CCDC158: variants seen among roughly 807,000 people sequenced by gnomAD.
The protein encoded by CCDC158 is coiled-coil domain containing 158.
Under a neutral mutation model 138.6 loss-of-function variants are expected in CCDC158, and 116 were observed. That is an observed-to-expected ratio of 0.84 (90% CI 0.72 to 0.98). The LOEUF (loss-of-function observed/expected upper bound fraction) is 0.98, where lower values mean the gene tolerates loss of function less well. Among genes scored for constraint, CCDC158 ranks in the 50% least tolerant of loss-of-function variants. The pLI is 0.00. For synonymous variants in CCDC158, 436 were observed against 442.4 expected (o/e 0.99, Z 0.18); for missense variants, 1,265 against 1,306.1 (o/e 0.97, Z 0.48).
At chr4:76,345,233 T>A (rs937924984) in intron 18 of CCDC158, 5 of 932,666 alleles carry the variant, frequency 5.4e-6, no homozygotes, top group Non-Finnish European at 8.9e-6. Flanking sequence ...TTTCATCAGA[T>A]GAAGATCTGA....
At chr4:76,313,891 G>C (rs1350480588) in intron 24 of CCDC158, among the ~76,000 whole-genome samples, 1 of 152,096 alleles carries the variant, frequency 6.6e-6, no homozygotes, top group Admixed American at 6.5e-5. Flanking sequence ...CTTATGTTTT[G>C]TTGTAACTGC....
At chr4:76,419,434 A>G (rs1729943274) in intron 1 of CCDC158, among the ~76,000 whole-genome samples, 1 of 152,248 alleles carries the variant, frequency 6.6e-6, no homozygotes, top group South Asian at 2.1e-4. Context: ...GCTTAAAACA[A>G]TAGCAACTTA....
chr4:76,318,522 A>G (rs2110064989), intron 24 of CCDC158, among the ~76,000 whole-genome samples: 1 of 152,320 alleles, frequency 6.6e-6, no homozygotes, highest in African/African-American at 2.4e-5. Flanking sequence ...AGTAATTAAA[A>G]AAATGCCAAC....
At chr4:76,387,287 C>G (rs1303882749) in intron 4 of CCDC158, among the ~76,000 whole-genome samples, 1 of 152,112 alleles carries the variant, frequency 6.6e-6, no homozygotes, top group Non-Finnish European at 1.5e-5. Flanking sequence ...CCATTCCAAG[C>G]CCTACCTCCC....
At chr4:76,396,155 C>A in intron 4 of CCDC158, 114 bp downstream of exon 4, 1 of 632,986 alleles carries the variant, frequency 1.6e-6, no homozygotes, top group South Asian at 2.8e-5. Context: ...AACCAATAAA[C>A]CCATTTGTTA....
At chr4:76,418,887 A>G (rs991819739) in intron 1 of CCDC158, among the ~76,000 whole-genome samples, 3 of 152,160 alleles carry the variant, frequency 2.0e-5, no homozygotes, top group Non-Finnish European at 4.4e-5. Context: ...AAACTTGAAC[A>G]CTGAATTTTC....
At chr4:76,405,341 C>T (rs891898240) in intron 2 of CCDC158, among the ~76,000 whole-genome samples, 7 of 152,142 alleles carry the variant, frequency 4.6e-5, no homozygotes, top group Admixed American at 3.3e-4. Context: ...TTGACTGTAC[C>T]GGGACACTGT....
chr4:76,378,421 T>C (rs9997104), intron 9 of CCDC158, among the ~76,000 whole-genome samples: 4,473 of 152,256 alleles, frequency 0.029, 217 homozygotes, highest in African/African-American at 0.1. Context: ...GACAGAACTG[T>C]ATGTAAATTG....
chr4:76,401,072 C>T (rs886900865), intron 3 of CCDC158, among the ~76,000 whole-genome samples: 3 of 152,116 alleles, frequency 2.0e-5, no homozygotes, highest in African/African-American at 7.2e-5. Context: ...GAATCAGAGT[C>T]TCAAGGTGTG....
chr4:76,351,202 A>G, intron 17 of CCDC158, 81 bp from the exon 18 acceptor site: 1 of 1,345,628 alleles, frequency 7.4e-7, no homozygotes, highest in Non-Finnish European at 1.0e-6. Flanking sequence ...GTATTTTTTG[A>G]TTTCACAGGC....
chr4:76,331,486 A>G (rs1246745019), intron 20 of CCDC158, 83 bp from the exon 21 acceptor site: 71 of 1,059,228 alleles, frequency 6.7e-5, no homozygotes, highest in Non-Finnish European at 9.9e-5. Context: ...GAGAAAAATA[A>G]TGTATTCTTA....
Position 76,321,331 on chromosome 4 carries a change from TACA to T in CCDC158, c.3277+1968_3277+1970del, listed in dbSNP as rs565239344. ...GGAACACTTTTACACTGTAAACTAG[TACA>T]ACAACTATGGAAAGCAGTACAGAGA... On this transcript the variant is annotated intron_variant, in intron 24 of 24. Coordinates refer to ENST00000682701, the MANE Select transcript of CCDC158 (RefSeq NM_001394954.1). 9.4e-4 allele frequency among the ~76,000 whole-genome samples: 143 copies of T among 152,120 alleles called. 1 individual carries two copies. The highest frequency in any genetic ancestry group is 1.7e-3 in the South Asian group (8 of 4,822).
intron 24 of CCDC158, among the ~76,000 whole-genome samples, chr4:76,320,580 G>A (rs1043131164): frequency 2.0e-5 from 3 of 152,100 alleles, no homozygotes; most frequent in African/African-American, 7.2e-5. Context: ...CATGGTACTG[G>A]TATAAAAATA....
At chr4:76,358,489 C>A (rs1723798672) in intron 13 of CCDC158, among the ~76,000 whole-genome samples, 1 of 152,288 alleles carries the variant, frequency 6.6e-6, no homozygotes, top group Non-Finnish European at 1.5e-5. Flanking sequence ...CTCCACATTA[C>A]CCGGCTCTAC....
intron 1 of CCDC158, among the ~76,000 whole-genome samples, chr4:76,416,185 C>A (rs1729684066): frequency 6.6e-6 from 1 of 152,166 alleles, no homozygotes. Context: ...CAGGGAACGG[C>A]CCCCTGTCCA....
intron 19 of CCDC158, among the ~76,000 whole-genome samples, chr4:76,333,113 G>A (rs1405147110): frequency 6.6e-6 from 1 of 152,150 alleles, no homozygotes; most frequent in African/African-American, 2.4e-5. Context: ...ATAATGTAAT[G>A]TTATGCTAAG....
chr4:76,343,656 C>T (rs1722267751), intron 18 of CCDC158, among the ~76,000 whole-genome samples: 1 of 151,976 alleles, frequency 6.6e-6, no homozygotes, highest in African/African-American at 2.4e-5. Context: ...CAAAAATTAG[C>T]CAGGTGTGGT....
intron 23 of CCDC158, among the ~76,000 whole-genome samples, chr4:76,325,343 A>T (rs1290687831): frequency 6.6e-6 from 1 of 152,260 alleles, no homozygotes; most frequent in East Asian, 1.9e-4. Context: ...TTTCAAGTTC[A>T]TTCAACACAT....
chr4:76,385,821 A>T (rs1395607067), intron 4 of CCDC158, among the ~76,000 whole-genome samples: 1 of 152,202 alleles, frequency 6.6e-6, no homozygotes, highest in African/African-American at 2.4e-5. Flanking sequence ...ATCTAAGTAC[A>T]TTATGGTGGC....
Sources: allele counts gnomAD v4.1 joint callset (sites outside exome capture counted in the v4.1 genomes callset), GRCh38; gene constraint gnomAD v4.1.1; transcripts MANE v1.5; gene names NCBI Gene and HGNC (gene_info 2026-07-23, HGNC 2026-07-21).